The following PLPPR1 variants were observed in gnomAD, a reference collection of about 807,000 sequenced individuals.
PLPPR1 encodes phospholipid phosphatase-related protein type 1.
Under a neutral mutation model 33.1 loss-of-function variants are expected in PLPPR1, and 10 were observed. That is an observed-to-expected ratio of 0.30 (90% CI 0.19 to 0.51). The LOEUF (loss-of-function observed/expected upper bound fraction) is 0.51. PLPPR1 is among the 20% of genes least tolerant of loss of function. The probability of loss-of-function intolerance (pLI) is 0.97; values close to 1 mark genes in which losing one functional copy is unlikely to be tolerated. For synonymous variants in PLPPR1, 151 were observed against 151.0 expected, an observed-to-expected ratio of 1.00 and a Z score of 0.00; for missense variants, 304 against 408.1, an observed-to-expected ratio of 0.74 and a Z score of 2.20.
intron 1 of PLPPR1, among the ~76,000 whole-genome samples, chr9:101,166,795 T>C (rs1166676089): frequency 6.6e-6 from 1 of 152,140 alleles, no homozygotes; most frequent in Non-Finnish European, 1.5e-5. Flanking sequence ...TTTAAAATTC[T>C]AAAGTTGGTT....
At chr9:101,171,881 A>C (rs189225146) in intron 1 of PLPPR1, among the ~76,000 whole-genome samples, 177 of 152,296 alleles carry the variant, frequency 1.2e-3, no homozygotes, top group Non-Finnish European at 1.9e-3. Flanking sequence ...TGAGGAAACG[A>C]ATGCCTATTT....
intron 2 of PLPPR1, among the ~76,000 whole-genome samples, chr9:101,243,511 G>T (rs1438551439): frequency 6.6e-6 from 1 of 151,912 alleles, no homozygotes; most frequent in East Asian, 1.9e-4. Context: ...AAGAAAGGAG[G>T]ACTCATGGAT....
intron 1 of PLPPR1, among the ~76,000 whole-genome samples, chr9:101,155,134 TCTAA>T (rs369647816): frequency 4.6e-4 from 70 of 152,170 alleles, no homozygotes; most frequent in African/African-American, 1.5e-3. Flanking sequence ...AATGAGATTG[TCTAA>T]CTGTCAGGAA....
Position 101,265,117 on chromosome 9 carries a change from G to T in PLPPR1, c.64-4763G>T, listed in dbSNP as rs147356329. Among the ~76,000 whole-genome samples the T allele has an allele frequency of 4.6e-5, 7 of 152,218 alleles. No homozygotes were observed. The East Asian group carries it at 1.2e-3, about 25-fold the overall frequency. On this transcript the variant is annotated intron_variant, in intron 2 of 7. Transcript: ENST00000374874. ...CAGCTTTGTGACCTTCACAATTATTGCTCTTCTTGACATTTTTACTTTTCT... is the reference window on the plus strand; with the variant it reads ...CAGCTTTGTGACCTTCACAATTATTTCTCTTCTTGACATTTTTACTTTTCT...
intron 1 of PLPPR1, among the ~76,000 whole-genome samples, chr9:101,148,228 T>G (rs1831544053): frequency 6.6e-6 from 1 of 152,138 alleles, no homozygotes; most frequent in African/African-American, 2.4e-5. Context: ...TTTACTTCAG[T>G]CCCATATTTC....
chr9:101,169,894 G>A (rs1366912669), intron 1 of PLPPR1, among the ~76,000 whole-genome samples: 1 of 151,652 alleles, frequency 6.6e-6, no homozygotes, highest in Non-Finnish European at 1.5e-5. Flanking sequence ...AAGGTAGAGT[G>A]AGTTCTATCT....
At chr9:101,049,854 G>A (rs539794793) in intron 1 of PLPPR1, among the ~76,000 whole-genome samples, 10 of 151,746 alleles carry the variant, frequency 6.6e-5, no homozygotes, top group East Asian at 5.8e-4. Context: ...GGCCATGCGC[G>A]GTGGCTCATG....
At position 101,155,259 on chromosome 9, in the gene PLPPR1, T is replaced by C. The variant is rs552354595; in HGVS notation, c.-45-30191T>C. On this transcript the variant is annotated intron_variant, in intron 1 of 7. Coordinates refer to ENST00000374874, the MANE Select transcript of PLPPR1 (RefSeq NM_207299.2). ...GTCCTGCTGAACTGGAGAAAGGAGA[T>C]TGTTTTAGTCTATGGTGTGCTGTTA... Among the ~76,000 whole-genome samples, 69 of 152,184 alleles carry C rather than the reference T, an allele frequency of 4.5e-4. 1 individual carries two copies. The highest frequency in any genetic ancestry group is 1.6e-3 in the African/African-American group (67 of 41,520).
chr9:101,033,448 G>A (rs973307985), intron 1 of PLPPR1, among the ~76,000 whole-genome samples: 2 of 152,162 alleles, frequency 1.3e-5, no homozygotes, highest in Non-Finnish European at 2.9e-5. Flanking sequence ...TGATTTCATA[G>A]TAAATGCCAA....
chr9:101,154,877 C>T (rs554155503), intron 1 of PLPPR1, among the ~76,000 whole-genome samples: 14 of 147,930 alleles, frequency 9.5e-5, no homozygotes, highest in African/African-American at 2.3e-4. Context: ...AACCAAACAC[C>T]GCATGTTCTC....
At chr9:101,047,329 T>A (rs1246605586) in intron 1 of PLPPR1, among the ~76,000 whole-genome samples, 1 of 152,210 alleles carries the variant, frequency 6.6e-6, no homozygotes, top group Non-Finnish European at 1.5e-5. Flanking sequence ...TCTTCCATAC[T>A]TTCACATCAC....
chr9:101,259,200 G>A (rs904310163), intron 2 of PLPPR1, among the ~76,000 whole-genome samples: 4 of 152,110 alleles, frequency 2.6e-5, no homozygotes, highest in Admixed American at 2.6e-4. Context: ...ATTCTTCAAG[G>A]AGTGGCCAAG....
chr9:101,219,491 C>T (rs183085229), intron 2 of PLPPR1, among the ~76,000 whole-genome samples: 3 of 152,244 alleles, frequency 2.0e-5, no homozygotes, highest in Non-Finnish European at 2.9e-5. Context: ...GTTCTATTTC[C>T]TCGCCATGCC....
intron 1 of PLPPR1, among the ~76,000 whole-genome samples, chr9:101,144,769 A>G (rs1326985075): frequency 6.6e-6 from 1 of 152,200 alleles, no homozygotes; most frequent in Non-Finnish European, 1.5e-5. Flanking sequence ...TCTAGAGACC[A>G]CACTTTGAAA....
intron 4 of PLPPR1, among the ~76,000 whole-genome samples, chr9:101,304,164 C>T (rs1241839255): frequency 6.6e-6 from 1 of 152,210 alleles, no homozygotes; most frequent in Non-Finnish European, 1.5e-5. Flanking sequence ...TTGCCTAGCA[C>T]TATGCCCGAC....
At chr9:101,088,522 A>T (rs914495521) in intron 1 of PLPPR1, among the ~76,000 whole-genome samples, 15 of 152,174 alleles carry the variant, frequency 9.9e-5, no homozygotes, top group Admixed American at 7.2e-4. Flanking sequence ...ATAGCATAGA[A>T]GTTGAAAATA....
At chr9:101,223,141 A>G (rs1826983446) in intron 2 of PLPPR1, among the ~76,000 whole-genome samples, 1 of 106,148 alleles carries the variant, frequency 9.4e-6, no homozygotes, top group Non-Finnish European at 1.8e-5. Flanking sequence ...AGTGAGACCC[A>G]TCTCTACAAA....
intron 2 of PLPPR1, among the ~76,000 whole-genome samples, chr9:101,194,179 C>T (rs1438271206): frequency 6.6e-6 from 1 of 152,150 alleles, no homozygotes; most frequent in Non-Finnish European, 1.5e-5. Context: ...TGAGTGATTT[C>T]AAGCATATTC....
chr9:101,227,194 G>A (rs569126068), intron 2 of PLPPR1, among the ~76,000 whole-genome samples: 124 of 152,300 alleles, frequency 8.1e-4, no homozygotes, highest in African/African-American at 2.8e-3. Context: ...CAATAATCAC[G>A]ACTGGGAATA....
Sources: gnomAD v4.1 joint callset for allele counts (sites outside exome capture counted in the v4.1 genomes callset) on GRCh38, gnomAD v4.1.1 for gene constraint, MANE v1.5 for transcripts, NCBI Gene and HGNC (gene_info 2026-07-23, HGNC 2026-07-21) for gene names.